Variants in WDR45B observed in about 807,000 individuals in gnomAD.
WDR45B encodes WD repeat domain 45B.
In WDR45B, 20 loss-of-function variants were observed where a neutral mutation model predicts 44.6. That is an observed-to-expected ratio of 0.45 (90% CI 0.32 to 0.65). The LOEUF (loss-of-function observed/expected upper bound fraction) is 0.65. WDR45B is among the 30% of genes least tolerant of loss of function. WDR45B has a pLI of 0.05. For synonymous variants in WDR45B, 169 were observed against 164.9 expected (o/e 1.02, Z -0.19); for missense variants, 323 against 430.2 (o/e 0.75, Z 2.20).
chr17:82,640,374 CAG>C (rs1416462023), intron 2 of WDR45B, among the ~76,000 whole-genome samples: 1 of 146,570 alleles, frequency 6.8e-6, no homozygotes, highest in African/African-American at 2.5e-5. Flanking sequence ...TTTTTTAAGA[CAG>C]AGTCTCACTC....
In WDR45B at chr17:82,644,115, T is replaced by C. The variant is rs565235299; in HGVS notation, c.68-92A>G. On this transcript the variant is annotated intron_variant, in intron 1 of 9. Coordinates refer to ENST00000392325, the MANE Select transcript of WDR45B (RefSeq NM_019613.4). Reference sequence around the variant, plus strand: ...AGAAATGACAACTACTGAGAACTCTTGCAGATGCTCAAACCACACAGACAC... The same window carrying C: ...AGAAATGACAACTACTGAGAACTCTCGCAGATGCTCAAACCACACAGACAC... 2.5e-6 allele frequency: 3 copies of C among 1,209,170 alleles called. No homozygotes were observed. The East Asian group carries it at 7.4e-5, about 30-fold the overall frequency. The allele number at this position is 1,209,170 out of a possible 1,614,324, so 74.9% of individuals were successfully genotyped here. A position where few individuals can be genotyped will look rare whatever the true frequency, so the allele number is the denominator to read the frequency against.
rs1234324695 is a variant in WDR45B at position 82,616,038 on chromosome 17, G to C, written c.929-13C>G. 1.9e-6 allele frequency: 3 copies of C among 1,610,678 alleles called. No individual in the cohort carries two copies. The East Asian group carries it at 6.7e-5, about 36-fold the overall frequency. On this transcript the variant is annotated splice_polypyrimidine_tract_variant and intron_variant, in intron 9 of 9. Transcript: ENST00000392325. Reference sequence around the variant, plus strand: ...TCTGCACAAATTGCTGGGATAGAAGGAGACCATTTTACCTGTGTGTTTCTT... The same window carrying C: ...TCTGCACAAATTGCTGGGATAGAAGCAGACCATTTTACCTGTGTGTTTCTT...
At chr17:82,625,762 T>C in intron 4 of WDR45B, 1 of 465,892 alleles carries the variant, frequency 2.1e-6, no homozygotes, top group Non-Finnish European at 4.0e-6. Flanking sequence ...AAACACTCCA[T>C]CTAGGTTCAG....
At chr17:82,623,062 A>G (rs539684913) in intron 5 of WDR45B, among the ~76,000 whole-genome samples, 1 of 152,332 alleles carries the variant, frequency 6.6e-6, no homozygotes, top group East Asian at 1.9e-4. Context: ...TACTTGCAAA[A>G]GTGTGCCAGG....
At position 82,621,628 on chromosome 17, in the gene WDR45B, A is replaced by G. The variant is rs747910760; in HGVS notation, c.599T>C (p.Ile200Thr). The G allele has an allele frequency of 1.9e-6, 3 of 1,614,224 alleles. No individual in the cohort carries two copies. The highest frequency in any genetic ancestry group is 2.2e-5 in the East Asian group (1 of 44,886). Residue 200 changes from isoleucine to threonine, a missense_variant, in exon 6 of 10, where the codon ATT becomes ACT. By Grantham distance (89) the Ile-to-Thr change is moderately conservative. Transcript: ENST00000392325. ...ACTTACTTTCTCGGATGCAGTTGCA[A>G]TTCTTGTTCCCTGCAGGTTGAGTGC... ...CIALNLQGTRIATASEKGTLI... is the reference protein window; with the variant it reads ...CIALNLQGTRTATASEKGTLI...
intron 8 of WDR45B, among the ~76,000 whole-genome samples, chr17:82,616,978 C>T (rs1443026794): frequency 3.3e-5 from 5 of 151,796 alleles, no homozygotes; most frequent in African/African-American, 9.7e-5. Context: ...CCACCACGCC[C>T]GGCTAGTTTT....
chr17:82,629,120 A>G (rs2045736244), intron 3 of WDR45B, among the ~76,000 whole-genome samples: 1 of 152,238 alleles, frequency 6.6e-6, no homozygotes, highest in African/African-American at 2.4e-5. Flanking sequence ...TGAAGTTTCT[A>G]AGGCTTTTTC....
At position 82,614,673 on chromosome 17, in the gene WDR45B, C is replaced by T. The variant is rs2045506834; in HGVS notation, c.*1246G>A. 2 of 152,714 alleles carry T rather than the reference C, an allele frequency of 1.3e-5. No homozygotes were observed. The highest frequency in any genetic ancestry group is 4.1e-4 in the South Asian group (2 of 4,828). The allele number at this position is 152,714 out of a possible 1,614,324, so 9.5% of individuals were successfully genotyped here. A position where few individuals can be genotyped will look rare whatever the true frequency, so the allele number is the denominator to read the frequency against. On this transcript the variant is annotated 3_prime_UTR_variant, in exon 10 of 10. Transcript: ENST00000392325. The stretch of plus-strand genomic sequence containing the variant: ...AATACACATGAAAGGAACATGCATA[C>T]TTTACAGCAACATCCACAGAGAATT...
chr17:82,641,242 C>A (rs72852071), intron 2 of WDR45B, among the ~76,000 whole-genome samples: 31,253 of 152,098 alleles, frequency 0.21, 3,549 homozygotes, highest in South Asian at 0.32. Flanking sequence ...GCTGGGATTA[C>A]AGGCGTGAGC....
At chr17:82,621,297 G>A (rs111815750) in intron 6 of WDR45B, among the ~76,000 whole-genome samples, 1 of 152,078 alleles carries the variant, frequency 6.6e-6, no homozygotes. Flanking sequence ...CAAGTGATCC[G>A]CCTGCCTTGG....
Position 82,625,912 on chromosome 17 carries a change from T to A in WDR45B, c.333-429A>T. 5 of 247,788 alleles carry A rather than the reference T, an allele frequency of 2.0e-5. No homozygotes were observed. In the South Asian group the frequency reaches 2.3e-4, roughly 11 times the overall value. 15.3% of individuals were successfully genotyped at this position (247,788 alleles called of 1,614,324 possible). A position where few individuals can be genotyped will look rare whatever the true frequency, so the allele number is the denominator to read the frequency against. The stretch of plus-strand genomic sequence containing the variant: ...TATTACTTTTTTTTTATAGATGGAG[T>A]CTCACTCTGTCGCTCAGGCTGGAGT... On this transcript the variant is annotated intron_variant, in intron 4 of 9. Coordinates refer to ENST00000392325, the MANE Select transcript of WDR45B (RefSeq NM_019613.4).
chr17:82,647,750 C>T (rs552750462), intron 1 of WDR45B, among the ~76,000 whole-genome samples: 2 of 151,804 alleles, frequency 1.3e-5, no homozygotes, highest in African/African-American at 2.4e-5. Flanking sequence ...TCGGAGACGC[C>T]GGCTCCGCGG....
intron 2 of WDR45B, among the ~76,000 whole-genome samples, chr17:82,631,746 G>A (rs2045771280): frequency 1.3e-5 from 2 of 151,440 alleles, no homozygotes; most frequent in Non-Finnish European, 2.9e-5. Flanking sequence ...ACCCTAGGAA[G>A]CTAACTCAGC....
intron 2 of WDR45B, among the ~76,000 whole-genome samples, chr17:82,642,196 C>G (rs1485331670): frequency 8.5e-5 from 13 of 152,050 alleles, no homozygotes; most frequent in Non-Finnish European, 1.6e-4. Context: ...CTGTTAGGAA[C>G]CAGGCTGCAC....
At chr17:82,634,470 C>CTGTGTGTGTGTCGG in intron 2 of WDR45B, among the ~76,000 whole-genome samples, 11 of 150,194 alleles carry the variant, frequency 7.3e-5, no homozygotes, top group African/African-American at 2.3e-4. Context: ...CCAGCCTGGG[C>CTGTGTGTGTGTCGG]GACAGGGCGA....
chr17:82,615,553 C>CAA lies in WDR45B; in HGVS notation c.*364_*365dup. ...TCAGTAAGAACGACGGAATCTGCTG[C>CAA]AAAAACAAACCTGAACTCGTCCACC... On this transcript the variant is annotated 3_prime_UTR_variant, in exon 10 of 10. Transcript: ENST00000392325. The CAA allele has an allele frequency of 3.0e-6, 1 of 329,450 alleles. No individual in the cohort carries two copies. The highest frequency in any genetic ancestry group is 5.9e-6 in the Non-Finnish European group (1 of 170,816). The allele number at this position is 329,450 out of a possible 1,614,324, so 20.4% of individuals were successfully genotyped here.
At chr17:82,633,077 C>T (rs1055314923) in intron 2 of WDR45B, among the ~76,000 whole-genome samples, 1 of 150,378 alleles carries the variant, frequency 6.6e-6, no homozygotes, top group East Asian at 2.0e-4. Flanking sequence ...GCAGGAGAAT[C>T]GCTTGAGCCC....
intron 2 of WDR45B, among the ~76,000 whole-genome samples, chr17:82,634,350 C>T (rs1346543037): frequency 6.9e-6 from 1 of 145,658 alleles, no homozygotes; most frequent in African/African-American, 2.5e-5. Flanking sequence ...TAGCCAGGAG[C>T]GGCAGTGCAC....
At chr17:82,624,068 C>G (rs1362039432) in intron 5 of WDR45B, among the ~76,000 whole-genome samples, 1 of 152,046 alleles carries the variant, frequency 6.6e-6, no homozygotes, top group Non-Finnish European at 1.5e-5. Flanking sequence ...AGGATCGACC[C>G]AAGAGACATG....
Sources: allele counts gnomAD v4.1 joint callset (sites outside exome capture counted in the v4.1 genomes callset), GRCh38; gene constraint gnomAD v4.1.1; transcripts MANE v1.5; gene names NCBI Gene and HGNC (gene_info 2026-07-23, HGNC 2026-07-21).